The following ZRANB1 variants were observed in gnomAD, a reference collection of about 807,000 sequenced individuals.
ZRANB1 encodes the protein zinc finger RANBP2-type containing 1, also known as ubiquitin thioesterase ZRANB1.
ZRANB1 carries 16 observed loss-of-function variants against 80.5 expected under a neutral mutation model. The observed-to-expected ratio is 0.20, with a 90% CI of 0.13 to 0.30. ZRANB1 has a LOEUF of 0.30. Among genes scored for constraint, ZRANB1 ranks in the 10% least tolerant of loss-of-function variants. The probability of loss-of-function intolerance (pLI) is 1.00; values close to 1 mark genes in which losing one functional copy is unlikely to be tolerated. For synonymous variants in ZRANB1, 291 were observed against 293.1 expected (o/e 0.99, Z 0.07); for missense variants, 576 against 862.6 (o/e 0.67, Z 4.16).
At chr10:124,929,673 C>A in the ZRANB1 span, among the ~76,000 whole-genome samples, 1 of 151,410 alleles carries the variant, frequency 6.6e-6, no homozygotes, top group East Asian at 2.0e-4. Context: ...GGAGGCTGGG[C>A]GCCGTGGCTC....
At chr10:124,927,707 AAG>A in the ZRANB1 span, among the ~76,000 whole-genome samples, 1 of 152,246 alleles carries the variant, frequency 6.6e-6, no homozygotes, top group Non-Finnish European at 1.5e-5. Flanking sequence ...TCAGTAAACT[AAG>A]AACTATTTTA....
rs781351364 is a variant in ZRANB1 at position 124,981,683 on chromosome 10, A to AT, written c.1428-19dup. On this transcript the variant is annotated intron_variant, in intron 5 of 8. Transcript: ENST00000359653. ...TTTATTTATAGAAGACTATTTATTT[A>AT]TTTTTTTACTATCCTGCTTTTTTAG... The AT allele has an allele frequency of 1.8e-5, 29 of 1,573,362 alleles. No individual in the cohort carries two copies. In the African/African-American group the frequency reaches 3.1e-4, roughly 17 times the overall value.
At position 124,983,509 on chromosome 10, in the gene ZRANB1, A is replaced by T; in HGVS notation, c.1729A>T (p.Ile577Phe). The T allele has an allele frequency of 6.2e-7, 1 of 1,613,540 alleles. No homozygotes were observed. Among genetic ancestry groups the T allele is most frequent in the Non-Finnish European group, 8.5e-7 (1 of 1,179,600 alleles). The change falls in exon 8 of 9, where the codon ATT (isoleucine) becomes TTT (phenylalanine). Residue 577 changes from isoleucine to phenylalanine, a missense_variant. Ile to Phe is a conservative substitution (Grantham distance 21). Coordinates refer to ENST00000359653, the MANE Select transcript of ZRANB1 (RefSeq NM_017580.3). The surrounding 1 kb of genome is among the most constrained non-coding windows in gnomAD (Gnocchi z 6.2). Reference sequence around the variant, plus strand: ...ACAGAGTTTTTGTTGGAAAAGTCCGATTGCTCTGGGTTATACGAGGGGCCA... The same window carrying T: ...ACAGAGTTTTTGTTGGAAAAGTCCGTTTGCTCTGGGTTATACGAGGGGCCA... ...WEQSFCWKSPIALGYTRGHFS... is the reference protein window; with the variant it reads ...WEQSFCWKSPFALGYTRGHFS...
chr10:124,946,841 C>A (rs117435286), intron 1 of ZRANB1, among the ~76,000 whole-genome samples: 1 of 152,130 alleles, frequency 6.6e-6, no homozygotes, highest in South Asian at 2.1e-4. Context: ...TTAATCTTTA[C>A]GTCCCTTTTC....
At chr10:124,965,857 TA>T (rs1951771380) in intron 1 of ZRANB1, among the ~76,000 whole-genome samples, 1 of 152,230 alleles carries the variant, frequency 6.6e-6, no homozygotes, top group South Asian at 2.1e-4. Flanking sequence ...TTAAGATTAA[TA>T]AAATGGTTCA....
Position 124,985,984 on chromosome 10 carries a change from A to C in ZRANB1, c.*992A>C, listed in dbSNP as rs374317365. ...TGGGAATACCAATTCACTACAGAAT[A>C]AAGATTTTAAAAATGCAATAAGGTG... On this transcript the variant is annotated 3_prime_UTR_variant, in exon 9 of 9. Transcript: ENST00000359653. 3.9e-5 allele frequency: 6 copies of C among 152,338 alleles called. No homozygotes were observed. The highest frequency in any genetic ancestry group is 1.4e-4 in the African/African-American group (6 of 41,476). 9.4% of individuals were successfully genotyped at this position (152,338 alleles called of 1,614,324 possible).
intron 8 of ZRANB1, chr10:124,984,442 A>G (rs1303316979): frequency 4.1e-6 from 1 of 242,920 alleles, no homozygotes; most frequent in Non-Finnish European, 7.8e-6. Flanking sequence ...ATAATTGACT[A>G]AGTAAACTTA....
At chr10:124,956,979 G>A (rs1361746145) in intron 1 of ZRANB1, among the ~76,000 whole-genome samples, 1 of 152,120 alleles carries the variant, frequency 6.6e-6, no homozygotes, top group Non-Finnish European at 1.5e-5. Flanking sequence ...TTCAGCATGT[G>A]TTTCCTAAGA....
chr10:124,963,687 C>A (rs770829641), intron 1 of ZRANB1, among the ~76,000 whole-genome samples: 1 of 150,838 alleles, frequency 6.6e-6, no homozygotes, highest in Admixed American at 6.6e-5. Context: ...GAACCAACCA[C>A]GTCTACAACA....
At chr10:124,975,265 C>T (rs1951866427) in intron 5 of ZRANB1, among the ~76,000 whole-genome samples, 2 of 152,104 alleles carry the variant, frequency 1.3e-5, no homozygotes, top group South Asian at 4.1e-4. Flanking sequence ...TTTCTTCATT[C>T]AGTTGAGCAG....
rs1952085096 is a variant in ZRANB1, at chr10:124,987,515, CTG to C, written c.*2528_*2529del. 1 of 152,196 alleles carries C rather than the reference CTG, an allele frequency of 6.6e-6. No homozygotes were observed. The highest frequency in any genetic ancestry group is 1.5e-5 in the Non-Finnish European group (1 of 68,048). 9.4% of individuals were successfully genotyped at this position (152,196 alleles called of 1,614,324 possible). ...CACATATTCGTGAAGGTAAGATATT[CTG>C]TGTGCGCTTGGCCTCCTTTTCACGC... is the stretch of plus-strand genomic sequence containing the variant. On this transcript the variant is annotated 3_prime_UTR_variant, in exon 9 of 9. Coordinates refer to ENST00000359653, the MANE Select transcript of ZRANB1 (RefSeq NM_017580.3).
rs1952064404 is a variant in ZRANB1, at chr10:124,986,993, G to A, written c.*2001G>A. On this transcript the variant is annotated 3_prime_UTR_variant, in exon 9 of 9. Transcript: ENST00000359653. ...ATTTATTTATTTATTATCAATCAGT[G>A]ACCCTGACCACATAGTGTGATAGGT... 6.6e-6 allele frequency: 1 copy of A among 150,398 alleles called. No individual in the cohort carries two copies. The highest frequency in any genetic ancestry group is 1.5e-5 in the Non-Finnish European group (1 of 67,078). The allele number at this position is 150,398 out of a possible 1,614,324, so 9.3% of individuals were successfully genotyped here. A position where few individuals can be genotyped will look rare whatever the true frequency, so the allele number is the denominator to read the frequency against.
chr10:124,922,557 A>G, the ZRANB1 span, among the ~76,000 whole-genome samples: 1 of 148,932 alleles, frequency 6.7e-6, no homozygotes, highest in East Asian at 2.0e-4. Context: ...CAATGGCACG[A>G]TCTCAGCTCA....
Position 124,949,446 on chromosome 10 carries a change from T to TATGTATATATATATGTTTACACAC in ZRANB1, c.814+6141_814+6164dup, listed in dbSNP as rs1411591625. On this transcript the variant is annotated intron_variant, in intron 1 of 8. Coordinates refer to ENST00000359653, the MANE Select transcript of ZRANB1 (RefSeq NM_017580.3). Reference sequence around the variant, plus strand: ...ATGTATATATATATGTTTACACACATATGTATATATATATGTTTACACACA... The same window carrying TATGTATATATATATGTTTACACAC: ...ATGTATATATATATGTTTACACACATATGTATATATATATGTTTACACACATGTATATATATATGTTTACACACA... 7.3e-3 allele frequency among the ~76,000 whole-genome samples: 587 copies of TATGTATATATATATGTTTACACAC among 80,630 alleles called. 5 individuals are homozygous for TATGTATATATATATGTTTACACAC. The highest frequency in any genetic ancestry group is 0.019 in the African/African-American group (538 of 27,816). The allele number at this position is 80,630 out of a possible 152,430, so 52.9% of individuals were successfully genotyped here. A position where few individuals can be genotyped will look rare whatever the true frequency, so the allele number is the denominator to read the frequency against.
chr10:124,943,393 G>A (rs1246031495), intron 1 of ZRANB1, 86 bp downstream of exon 1: 52 of 1,337,798 alleles, frequency 3.9e-5, no homozygotes, highest in Middle Eastern at 5.3e-4. Context: ...GCTGACACAC[G>A]TTTGTGGTCT....
At chr10:124,980,567 C>T (rs1447036907) in intron 5 of ZRANB1, among the ~76,000 whole-genome samples, 5 of 152,062 alleles carry the variant, frequency 3.3e-5, no homozygotes, top group East Asian at 1.9e-4. Flanking sequence ...TTTATCTTAG[C>T]GATTATAAAA....
intron 1 of ZRANB1, among the ~76,000 whole-genome samples, chr10:124,956,596 G>A (rs769855582): frequency 2.0e-5 from 3 of 152,228 alleles, no homozygotes; most frequent in African/African-American, 4.8e-5. Context: ...AGCCTCCCAA[G>A]TAGCTGGGAC....
chr10:124,937,638 T>C (rs1025766425), upstream of ZRANB1, among the ~76,000 whole-genome samples: 9 of 152,212 alleles, frequency 5.9e-5, no homozygotes, highest in African/African-American at 2.2e-4. Context: ...AACATGACAG[T>C]ATAAAAAATG....
the ZRANB1 span, among the ~76,000 whole-genome samples, chr10:124,932,083 TTGTC>T: frequency 6.6e-6 from 1 of 152,202 alleles, no homozygotes; most frequent in Non-Finnish European, 1.5e-5. Flanking sequence ...CTGTTTCAGG[TTGTC>T]TGTCACTTAG....
Sources: allele counts gnomAD v4.1 joint callset (sites outside exome capture counted in the v4.1 genomes callset), GRCh38; gene constraint gnomAD v4.1.1; non-coding constraint Gnocchi (gnomAD v3.1); transcripts MANE v1.5; gene names NCBI Gene and HGNC (gene_info 2026-07-23, HGNC 2026-07-21).